MANBA: variants seen among roughly 807,000 people sequenced by gnomAD.
MANBA encodes beta-mannosidase.
In MANBA, 83 loss-of-function variants were observed where a neutral mutation model predicts 111.1. The ratio of observed to expected loss-of-function variants is 0.75; its 90% CI spans 0.63 to 0.90. MANBA has a LOEUF of 0.90. MANBA is among the 40% of genes least tolerant of loss of function. MANBA has a pLI of 0.00. For missense variants in MANBA, 1,036 were observed against 1,069.0 expected (o/e 0.97, Z 0.43); for synonymous variants, 370 against 378.7 (o/e 0.98, Z 0.27).
rs139299326 is a variant in MANBA, at chr4:102,644,336, C to T, written c.1870-4479G>A. Among the ~76,000 whole-genome samples, 102 of 152,166 alleles carry T rather than the reference C, an allele frequency of 6.7e-4. 1 individual carries two copies. In the East Asian group the frequency reaches 9.8e-3, roughly 15 times the overall value. On this transcript the variant is annotated intron_variant, in intron 13 of 16. Coordinates refer to ENST00000647097, the MANE Select transcript of MANBA (RefSeq NM_005908.4). ...GTATGTTGAAGAGATATCCACACTC[C>T]CATGTTCATTACAGCATTATTTACA...
chr4:102,688,944 T>A (rs1266644413), intron 7 of MANBA, among the ~76,000 whole-genome samples: 1 of 152,226 alleles, frequency 6.6e-6, no homozygotes, highest in Non-Finnish European at 1.5e-5. Context: ...ATAAACTTAC[T>A]AGTAATATTT....
chr4:102,661,396 A>G (rs572307919), intron 11 of MANBA, among the ~76,000 whole-genome samples: 2 of 152,316 alleles, frequency 1.3e-5, no homozygotes, highest in Admixed American at 1.3e-4. Flanking sequence ...CTCCACAAAG[A>G]TAAGAGTGTC....
chr4:102,711,282 C>G (rs535700356), intron 5 of MANBA, among the ~76,000 whole-genome samples: 5 of 152,070 alleles, frequency 3.3e-5, no homozygotes, highest in African/African-American at 1.2e-4. Context: ...AAGCAAATAA[C>G]CCCATTTAAA....
intron 1 of MANBA, among the ~76,000 whole-genome samples, chr4:102,748,983 A>T (rs2110210026): frequency 6.6e-6 from 1 of 152,282 alleles, no homozygotes; most frequent in East Asian, 1.9e-4. Flanking sequence ...AGATTAATTT[A>T]TCTCTTTTTT....
chr4:102,693,353 T>C (rs1157621034), intron 5 of MANBA, among the ~76,000 whole-genome samples: 2 of 152,216 alleles, frequency 1.3e-5, no homozygotes, highest in Non-Finnish European at 2.9e-5. Flanking sequence ...CTAAAATTCT[T>C]ATGTTGAAGC....
chr4:102,743,929 AG>A (rs1723500879), intron 1 of MANBA, among the ~76,000 whole-genome samples: 1 of 152,220 alleles, frequency 6.6e-6, no homozygotes, highest in Non-Finnish European at 1.5e-5. Flanking sequence ...GGCCTCCCAG[AG>A]GCTCCAAACA....
chr4:102,631,885 C>A lies in MANBA; in HGVS notation c.*172G>T, dbSNP rs146374185. The A allele has an allele frequency of 7.4e-6, 5 of 675,644 alleles. No individual in the cohort carries two copies. Among genetic ancestry groups the A allele is most frequent in the Non-Finnish European group, 1.3e-5 (5 of 380,444 alleles). 41.9% of individuals were successfully genotyped at this position (675,644 alleles called of 1,614,324 possible). Reference sequence around the variant, plus strand: ...TGAGGACATTGCCTGGGTAAACAGCCTCCCCTGAAAGTGTTCAGTGTACAA... The same window carrying A: ...TGAGGACATTGCCTGGGTAAACAGCATCCCCTGAAAGTGTTCAGTGTACAA... On this transcript the variant is annotated 3_prime_UTR_variant, in exon 17 of 17. Coordinates refer to ENST00000647097, the MANE Select transcript of MANBA (RefSeq NM_005908.4).
At chr4:102,648,374 A>T (rs2110201246) in intron 13 of MANBA, among the ~76,000 whole-genome samples, 1 of 152,286 alleles carries the variant, frequency 6.6e-6, no homozygotes, top group Non-Finnish European at 1.5e-5. Flanking sequence ...AAATGTGTAT[A>T]ACCATAAAAC....
At chr4:102,656,671 A>G (rs1730570592) in intron 12 of MANBA, among the ~76,000 whole-genome samples, 1 of 152,232 alleles carries the variant, frequency 6.6e-6, no homozygotes, top group Non-Finnish European at 1.5e-5. Flanking sequence ...AACAGAGGAA[A>G]CAACACAAAT....
intron 7 of MANBA, among the ~76,000 whole-genome samples, chr4:102,679,434 T>G (rs1356181014): frequency 6.6e-6 from 1 of 152,152 alleles, no homozygotes; most frequent in African/African-American, 2.4e-5. Flanking sequence ...GAACTTTGTA[T>G]AATCACGCCA....
chr4:102,696,538 G>A (rs183473605), intron 5 of MANBA, among the ~76,000 whole-genome samples: 21 of 152,230 alleles, frequency 1.4e-4, no homozygotes, highest in South Asian at 4.1e-4. Context: ...CCCAAGTGTC[G>A]CAGTTAAGAA....
chr4:102,734,286 G>C (rs1723130463), intron 1 of MANBA: 6 of 1,433,966 alleles, frequency 4.2e-6, no homozygotes, highest in Non-Finnish European at 5.7e-6. Context: ...GGGGGAGAAG[G>C]GCAGCAGCGT....
rs112640943 is a variant in MANBA, at chr4:102,752,462, G to T, written c.177+8256C>A. On this transcript the variant is annotated intron_variant, in intron 1 of 16. Coordinates refer to ENST00000647097, the MANE Select transcript of MANBA (RefSeq NM_005908.4). Reference sequence around the variant, plus strand: ...ACCCATGAACAGCAACTGATTTCAGGATCTTTAGATAACATTGTCAAGTTG... The same window carrying T: ...ACCCATGAACAGCAACTGATTTCAGTATCTTTAGATAACATTGTCAAGTTG... 3.2e-4 allele frequency: 246 copies of T among 769,606 alleles called. 3 individuals are homozygous for T. The African/African-American group carries it at 3.7e-3, about 12-fold the overall frequency. The allele number at this position is 769,606 out of a possible 1,614,324, so 47.7% of individuals were successfully genotyped here.
chr4:102,677,840 A>AT (rs1265129099), intron 7 of MANBA, among the ~76,000 whole-genome samples: 1 of 152,158 alleles, frequency 6.6e-6, no homozygotes, highest in Non-Finnish European at 1.5e-5. Context: ...TGGTCAATAT[A>AT]TTTTTTATAA....
Position 102,650,770 on chromosome 4 carries a change from G to A in MANBA, c.1705-69C>T, listed in dbSNP as rs182721551. The A allele has an allele frequency of 1.4e-3, 1,788 of 1,250,866 alleles. 41 individuals are homozygous for A. In the Admixed American group the frequency reaches 0.027, roughly 19 times the overall value. The allele number at this position is 1,250,866 out of a possible 1,614,324, so 77.5% of individuals were successfully genotyped here. A position where few individuals can be genotyped will look rare whatever the true frequency, so the allele number is the denominator to read the frequency against. On this transcript the variant is annotated intron_variant, in intron 12 of 16. Coordinates refer to ENST00000647097, the MANE Select transcript of MANBA (RefSeq NM_005908.4). The stretch of plus-strand genomic sequence containing the variant: ...TAAAACTACTTTTCTATAAGTTCCT[G>A]ACAAACCTGGAAAGTATCCTAAACA...
At chr4:102,746,566 T>C (rs891798806) in intron 1 of MANBA, among the ~76,000 whole-genome samples, 2 of 152,240 alleles carry the variant, frequency 1.3e-5, no homozygotes, top group African/African-American at 2.4e-5. Context: ...TTCAAGTCAC[T>C]AAACTCCTTG....
intron 5 of MANBA, among the ~76,000 whole-genome samples, chr4:102,694,452 A>G (rs992940992): frequency 1.3e-5 from 2 of 152,162 alleles, no homozygotes; most frequent in African/African-American, 4.8e-5. Flanking sequence ...AAATTTATAA[A>G]TTGCATAATC....
At chr4:102,680,115 T>C (rs142091550) in intron 7 of MANBA, among the ~76,000 whole-genome samples, 1 of 152,202 alleles carries the variant, frequency 6.6e-6, no homozygotes, top group Non-Finnish European at 1.5e-5. Flanking sequence ...CAGCAACTCT[T>C]TGTTGTTTCT....
rs1018072704 is a variant in MANBA at position 102,657,803 on chromosome 4, A to G, written c.1583T>C (p.Phe528Ser). ...ATAGTCATAAAAATGTACATCACCAAAATAATTGCTATTAGGGTTTTGAGA... is the reference window on the plus strand; with the variant it reads ...ATAGTCATAAAAATGTACATCACCAGAATAATTGCTATTAGGGTTTTGAGA... Reference protein sequence around the residue: ...WVSQNPNSNYFGDVHFYDYIS... With the variant: ...WVSQNPNSNYSGDVHFYDYIS... The change falls in exon 12 of 17, where the codon TTT becomes TCT. Residue 528 changes from phenylalanine to serine, a missense_variant. By Grantham distance (155) the Phe-to-Ser change is radical. Coordinates refer to ENST00000647097, the MANE Select transcript of MANBA (RefSeq NM_005908.4). The G allele has an allele frequency of 1.2e-6, 2 of 1,613,686 alleles. No individual in the cohort carries two copies. Among genetic ancestry groups the G allele is most frequent in the African/African-American group, 1.3e-5 (1 of 75,042 alleles).
Sources: gnomAD v4.1 joint callset for allele counts (sites outside exome capture counted in the v4.1 genomes callset) on GRCh38, gnomAD v4.1.1 for gene constraint, MANE v1.5 for transcripts, NCBI Gene and HGNC (gene_info 2026-07-23, HGNC 2026-07-21) for gene names.